The following CEMIP variants were observed in gnomAD, a reference collection of about 807,000 sequenced individuals.
The protein encoded by CEMIP is cell migration-inducing and hyaluronan-binding protein.
Under a neutral mutation model 156.9 loss-of-function variants are expected in CEMIP, and 105 were observed. The ratio of observed to expected loss-of-function variants is 0.67; its 90% confidence interval spans 0.57 to 0.79. The LOEUF (loss-of-function observed/expected upper bound fraction) is 0.79. Ranked by LOEUF, CEMIP falls within the 30% of genes least tolerant of loss-of-function variation. The probability of loss-of-function intolerance (pLI) is 0.00; values close to 1 mark genes in which losing one functional copy is unlikely to be tolerated. For synonymous variants in CEMIP, 676 were observed against 668.4 expected (o/e 1.01, Z -0.17); for missense variants, 1,457 against 1,769.4 (o/e 0.82, Z 3.17).
rs542420649 is a variant in CEMIP at position 80,929,248 on chromosome 15, A to G, written c.2612+74A>G. On this transcript the variant is annotated intron_variant, in intron 21 of 29. Coordinates refer to ENST00000394685, the MANE Select transcript of CEMIP (RefSeq NM_001293298.2). ...TGGCTGTGATGGAAGGGAAAAAGTT[A>G]ATGGGTAGTTTCTACCTGTTGACTA... 70 of 1,556,616 alleles carry G rather than the reference A, an allele frequency of 4.5e-5. No individual in the cohort carries two copies. The East Asian group carries it at 1.4e-3, about 32-fold the overall frequency.
In CEMIP at chr15:80,888,696, G is replaced by A. The variant is rs749543042; in HGVS notation, c.869-5G>A. On this transcript the variant is annotated splice_region_variant and splice_polypyrimidine_tract_variant and intron_variant, in intron 8 of 29. Transcript: ENST00000394685. ...AGCTCCTAAAGGGTCTCGTTTCTCT[G>A]ACAGGACATCGAGGCTCTGCTGCTG... 9 of 1,613,850 alleles carry A rather than the reference G, an allele frequency of 5.6e-6. No homozygotes were observed. In the African/African-American group the frequency reaches 9.3e-5, roughly 17 times the overall value.
At chr15:80,899,069 C>T (rs1348375562) in intron 12 of CEMIP, among the ~76,000 whole-genome samples, 4 of 151,968 alleles carry the variant, frequency 2.6e-5, no homozygotes, top group Non-Finnish European at 5.9e-5. Flanking sequence ...AAAAATTAGC[C>T]GGGTGTAGTG....
At chr15:80,783,462 T>C (rs775148344) in intron 1 of CEMIP, among the ~76,000 whole-genome samples, 1 of 152,180 alleles carries the variant, frequency 6.6e-6, no homozygotes, top group Non-Finnish European at 1.5e-5. Context: ...TCAGTTTCCT[T>C]TGAACAGTGA....
At chr15:80,914,785 G>T (rs1242574015) in intron 14 of CEMIP, among the ~76,000 whole-genome samples, 3 of 152,190 alleles carry the variant, frequency 2.0e-5, no homozygotes, top group Non-Finnish European at 4.4e-5. Context: ...GATTTATCAA[G>T]ACAGGGGAAT....
chr15:80,908,563 T>C (rs1899904827), intron 13 of CEMIP, among the ~76,000 whole-genome samples: 1 of 152,098 alleles, frequency 6.6e-6, no homozygotes, highest in Non-Finnish European at 1.5e-5. Context: ...TGTGTGGCAT[T>C]CCCTCCACTC....
intron 14 of CEMIP, among the ~76,000 whole-genome samples, chr15:80,915,218 G>A (rs562559274): frequency 6.6e-6 from 1 of 152,310 alleles, no homozygotes; most frequent in East Asian, 1.9e-4. Flanking sequence ...TGGCTAATTT[G>A]TTAGTCCTAC....
chr15:80,917,137 C>G (rs1292978495), intron 14 of CEMIP, among the ~76,000 whole-genome samples: 2 of 152,144 alleles, frequency 1.3e-5, no homozygotes, highest in South Asian at 2.1e-4. Flanking sequence ...TTCAATGAGG[C>G]TTTTTCTCTC....
rs2271164 is a variant in CEMIP, at chr15:80,906,895, A to G, written c.1587+57A>G. The G allele has an allele frequency of 0.44, 687,849 of 1,549,762 alleles. 157,189 individuals carry two copies. The highest frequency in any genetic ancestry group is 0.47 in the Non-Finnish European group (539,799 of 1,140,880). On this transcript the variant is annotated intron_variant, in intron 13 of 29. Coordinates refer to ENST00000394685, the MANE Select transcript of CEMIP (RefSeq NM_001293298.2). The surrounding 1 kb of genome is among the most constrained non-coding windows in gnomAD (Gnocchi z 4.3). ...CAACCAGGAGAGTTCCTATGATGTC[A>G]GCCTCTAGACGGGCCTTCTTGGTAG... is the stretch of plus-strand genomic sequence containing the variant.
intron 1 of CEMIP, among the ~76,000 whole-genome samples, chr15:80,791,245 G>C (rs1005419433): frequency 6.6e-6 from 1 of 152,138 alleles, no homozygotes; most frequent in Non-Finnish European, 1.5e-5. Flanking sequence ...TGAAGTGTGT[G>C]ATCAATTGGT....
intron 1 of CEMIP, among the ~76,000 whole-genome samples, chr15:80,788,495 A>AAAAAAG (rs1245554500): frequency 5.9e-5 from 9 of 151,808 alleles, no homozygotes; most frequent in Non-Finnish European, 1.2e-4. Flanking sequence ...AAGAAAAAAG[A>AAAAAAG]AAAAAGAAAA....
intron 1 of CEMIP, among the ~76,000 whole-genome samples, chr15:80,847,840 TC>T (rs1262763901): frequency 6.6e-6 from 1 of 152,136 alleles, no homozygotes; most frequent in Non-Finnish European, 1.5e-5. Flanking sequence ...GAAATCAGTG[TC>T]CCTGCCCACC....
At chr15:80,860,591 A>G (rs1203655016) in intron 1 of CEMIP, among the ~76,000 whole-genome samples, 1 of 152,206 alleles carries the variant, frequency 6.6e-6, no homozygotes, top group East Asian at 1.9e-4. Flanking sequence ...TTCAATGCCC[A>G]TCTCACCTAC....
chr15:80,841,105 G>A (rs1485096113), intron 1 of CEMIP, among the ~76,000 whole-genome samples: 1 of 152,196 alleles, frequency 6.6e-6, no homozygotes, highest in Non-Finnish European at 1.5e-5. Context: ...GGGCACCTGT[G>A]GCTTTGCCAG....
intron 1 of CEMIP, among the ~76,000 whole-genome samples, chr15:80,786,173 T>C (rs1348420285): frequency 6.6e-6 from 1 of 152,132 alleles, no homozygotes; most frequent in Non-Finnish European, 1.5e-5. Flanking sequence ...GGTCATTTCG[T>C]TTTGCTTTTG....
At chr15:80,819,021 T>A (rs1441342908) in intron 1 of CEMIP, among the ~76,000 whole-genome samples, 1 of 152,176 alleles carries the variant, frequency 6.6e-6, no homozygotes, top group Non-Finnish European at 1.5e-5. Flanking sequence ...TGTCCCAGGT[T>A]CAGCCCAGCC....
At chr15:80,901,558 CG>C (rs1382567031) in intron 12 of CEMIP, among the ~76,000 whole-genome samples, 3 of 151,874 alleles carry the variant, frequency 2.0e-5, no homozygotes, top group African/African-American at 7.3e-5. Context: ...AAAAATTAAC[CG>C]GGTGTGGTGG....
At chr15:80,843,716 C>T (rs552821225) in intron 1 of CEMIP, among the ~76,000 whole-genome samples, 1 of 152,326 alleles carries the variant, frequency 6.6e-6, no homozygotes, top group East Asian at 1.9e-4. Context: ...CTGGACATAT[C>T]CCTCCATCTC....
intron 14 of CEMIP, among the ~76,000 whole-genome samples, chr15:80,911,656 T>C (rs1303367457): frequency 6.6e-6 from 1 of 152,250 alleles, no homozygotes; most frequent in Non-Finnish European, 1.5e-5. Context: ...TCACACGTGC[T>C]GTGGAGAATG....
At chr15:80,946,926 G>A (rs756113510) in intron 28 of CEMIP, 39 bp from the exon 29 acceptor site, 21 of 1,407,814 alleles carry the variant, frequency 1.5e-5, no homozygotes, top group Non-Finnish European at 2.1e-5. Context: ...TCTCCAGTTT[G>A]CTCTCTCCCT....
Sources: allele counts gnomAD v4.1 joint callset (sites outside exome capture counted in the v4.1 genomes callset), GRCh38; gene constraint gnomAD v4.1.1; non-coding constraint Gnocchi (gnomAD v3.1); transcripts MANE v1.5; gene names NCBI Gene and HGNC (gene_info 2026-07-23, HGNC 2026-07-21).